Variants in CADM2 observed in about 807,000 individuals in gnomAD.
CADM2 encodes the protein cell adhesion molecule 2.
Under a neutral mutation model 49.8 loss-of-function variants are expected in CADM2, and 12 were observed. That is an observed-to-expected ratio of 0.24 (90% CI 0.15 to 0.39). The LOEUF is 0.39. Ranked by LOEUF, CADM2 falls within the 10% of genes least tolerant of loss-of-function variation. The pLI, the probability that CADM2 is intolerant of heterozygous loss-of-function variation, is 1.00. For missense variants in CADM2, 378 were observed against 492.3 expected (o/e 0.77, Z 2.20); for synonymous variants, 214 against 175.4 (o/e 1.22, Z -1.74).
rs538261913 is a variant in CADM2, at chr3:85,050,615, C to T, written c.61+90947C>T. On this transcript the variant is annotated intron_variant, in intron 1 of 9. Transcript: ENST00000383699. Reference sequence around the variant, plus strand: ...AGTGAGAGATCTAGAAATAAAATGGCTTGCACAAATGTTAAAATATGGTCT... The same window carrying T: ...AGTGAGAGATCTAGAAATAAAATGGTTTGCACAAATGTTAAAATATGGTCT... Among the ~76,000 whole-genome samples the T allele has an allele frequency of 2.0e-5, 3 of 152,148 alleles. No individual in the cohort carries two copies. The South Asian group carries it at 6.2e-4, about 32-fold the overall frequency.
chr3:85,791,544 A>AAGAGAGAG (rs71112119), intron 2 of CADM2, among the ~76,000 whole-genome samples: 6 of 100,002 alleles, frequency 6.0e-5, no homozygotes, highest in African/African-American at 2.1e-4. Context: ...GAGAGAGAGA[A>AAGAGAGAG]AGAGAGAGAG....
chr3:85,570,143 C>A (rs116308925), intron 1 of CADM2, among the ~76,000 whole-genome samples: 3,313 of 152,176 alleles, frequency 0.022, 43 homozygotes, highest in Non-Finnish European at 0.033. Context: ...TAAGGATAGT[C>A]ATTGGAAAAA....
At chr3:85,413,161 A>AAAAAAAAAAAAT (rs1553720239) in intron 1 of CADM2, among the ~76,000 whole-genome samples, 4 of 108,508 alleles carry the variant, frequency 3.7e-5, no homozygotes, top group African/African-American at 1.6e-4. Context: ...AAAAAAAAAA[A>AAAAAAAAAAAAT]AATAATAATA....
intron 1 of CADM2, among the ~76,000 whole-genome samples, chr3:85,563,652 C>T (rs1019679027): frequency 6.6e-6 from 1 of 151,834 alleles, no homozygotes; most frequent in Non-Finnish European, 1.5e-5. Flanking sequence ...AAAAAGGGAG[C>T]GGAATTCCAA....
intron 1 of CADM2, among the ~76,000 whole-genome samples, chr3:85,128,025 AT>A (rs1460472918): frequency 1.3e-5 from 2 of 152,204 alleles, no homozygotes; most frequent in African/African-American, 4.8e-5. Context: ...CAAGAAACGC[AT>A]GTGGCTAATG....
In CADM2 at chr3:85,554,882, A is replaced by T. The variant is rs148845209; in HGVS notation, c.62-171640A>T. Among the ~76,000 whole-genome samples, 244 of 30,904 alleles carry T rather than the reference A, an allele frequency of 7.9e-3. No homozygotes were observed. The East Asian group carries it at 0.18, about 22-fold the overall frequency. The allele number at this position is 30,904 out of a possible 152,430, so 20.3% of individuals were successfully genotyped here. ...ATTTGACTTTATTTTTTTTATTTTT[A>T]TTTTTTTTTTTTTTGTGCAGACTGT... On this transcript the variant is annotated intron_variant, in intron 1 of 9. Coordinates refer to ENST00000383699, the MANE Select transcript of CADM2 (RefSeq NM_001167675.2).
At chr3:85,240,097 G>A (rs2042495655) in intron 1 of CADM2, among the ~76,000 whole-genome samples, 3 of 151,292 alleles carry the variant, frequency 2.0e-5, no homozygotes, top group African/African-American at 7.3e-5. Flanking sequence ...TTCATAAAAT[G>A]TGCTATTTAC....
Position 85,142,324 on chromosome 3 carries a change from G to A in CADM2, c.61+182656G>A, listed in dbSNP as rs559244977. On this transcript the variant is annotated intron_variant, in intron 1 of 9. Transcript: ENST00000383699. The stretch of plus-strand genomic sequence containing the variant: ...TTCTAATCAAATTAATATATACCAT[G>A]GATCAGTTAAAATACGTCATATCTT... 1.3e-3 allele frequency among the ~76,000 whole-genome samples: 197 copies of A among 152,176 alleles called. 1 individual carries two copies. The highest frequency in any genetic ancestry group is 4.3e-3 in the African/African-American group (180 of 41,510).
intron 1 of CADM2, among the ~76,000 whole-genome samples, chr3:85,322,098 CT>C (rs67933537): frequency 0.047 from 7,089 of 152,104 alleles, 266 homozygotes; most frequent in Non-Finnish European, 0.059. Flanking sequence ...GTGAAAGCAC[CT>C]TATTTATCTA....
intron 8 of CADM2, among the ~76,000 whole-genome samples, chr3:86,024,279 G>T (rs1260841729): frequency 6.6e-6 from 1 of 152,134 alleles, no homozygotes; most frequent in Non-Finnish European, 1.5e-5. Flanking sequence ...GACAGATCAG[G>T]TATCTAATTT....
chr3:85,983,724 G>A (rs575419697), intron 8 of CADM2, among the ~76,000 whole-genome samples: 1 of 151,264 alleles, frequency 6.6e-6, no homozygotes, highest in Admixed American at 6.6e-5. Context: ...TTTTTTGATT[G>A]TATGAAACAA....
chr3:85,901,345 A>G (rs1158830699), intron 5 of CADM2, among the ~76,000 whole-genome samples: 2 of 152,210 alleles, frequency 1.3e-5, no homozygotes, highest in Non-Finnish European at 2.9e-5. Flanking sequence ...TGGGAAGTTG[A>G]TTGAGATAGA....
intron 1 of CADM2, among the ~76,000 whole-genome samples, chr3:85,396,582 A>G (rs937792141): frequency 2.0e-5 from 3 of 152,072 alleles, no homozygotes; most frequent in Non-Finnish European, 4.4e-5. Context: ...AAATATGGAT[A>G]GATGATTTTT....
intron 1 of CADM2, among the ~76,000 whole-genome samples, chr3:85,303,226 A>G (rs1186598503): frequency 1.3e-5 from 2 of 151,998 alleles, no homozygotes; most frequent in African/African-American, 4.8e-5. Flanking sequence ...TTTGTTGCCA[A>G]TTCGAGAAAT....
intron 2 of CADM2, among the ~76,000 whole-genome samples, chr3:85,792,344 A>G (rs1021634168): frequency 3.3e-5 from 5 of 152,202 alleles, no homozygotes; most frequent in African/African-American, 1.2e-4. Flanking sequence ...ATACTTTATT[A>G]TTGAAAAATT....
intron 1 of CADM2, among the ~76,000 whole-genome samples, chr3:85,623,560 G>T (rs567034018): frequency 6.6e-6 from 1 of 152,102 alleles, no homozygotes; most frequent in Non-Finnish European, 1.5e-5. Context: ...GTGAACAAAG[G>T]GTACTTAGCT....
chr3:85,255,828 A>G (rs1002448591), intron 1 of CADM2, among the ~76,000 whole-genome samples: 2 of 152,078 alleles, frequency 1.3e-5, no homozygotes, highest in Non-Finnish European at 2.9e-5. Flanking sequence ...GAGAAATATT[A>G]TGCATGTTGT....
intron 3 of CADM2, among the ~76,000 whole-genome samples, chr3:85,832,839 G>A (rs1407585119): frequency 6.6e-6 from 1 of 151,724 alleles, no homozygotes; most frequent in African/African-American, 2.4e-5. Flanking sequence ...TTTCAGTAAA[G>A]TGTTGAATAG....
chr3:85,759,991 G>T (rs1299973412), intron 2 of CADM2, among the ~76,000 whole-genome samples: 1 of 151,996 alleles, frequency 6.6e-6, no homozygotes, highest in African/African-American at 2.4e-5. Flanking sequence ...TAAATTTATG[G>T]TAAAGAGACC....
Sources: allele counts gnomAD v4.1 joint callset (sites outside exome capture counted in the v4.1 genomes callset), GRCh38; gene constraint gnomAD v4.1.1; transcripts MANE v1.5; gene names NCBI Gene and HGNC (gene_info 2026-07-23, HGNC 2026-07-21).